LIPA: variants seen among roughly 807,000 people sequenced by gnomAD.
The protein encoded by LIPA is lysosomal acid lipase/cholesteryl ester hydrolase.
LIPA carries 26 observed loss-of-function variants against 40.6 expected under a neutral mutation model. That is an observed-to-expected ratio of 0.64 (90% CI 0.47 to 0.89). The LOEUF is 0.89. Among genes scored for constraint, LIPA ranks in the 40% least tolerant of loss-of-function variants. The pLI, the probability that LIPA is intolerant of heterozygous loss-of-function variation, is 0.00. For missense variants in LIPA, 455 were observed against 479.6 expected (o/e 0.95, Z 0.48); for synonymous variants, 188 against 168.4 (o/e 1.12, Z -0.90).
chr10:89,219,740 C>T (rs567112783), intron 8 of LIPA, among the ~76,000 whole-genome samples: 1 of 152,278 alleles, frequency 6.6e-6, no homozygotes, highest in Admixed American at 6.5e-5. Flanking sequence ...AGTGGCAGCC[C>T]CTGGCCAACA....
In LIPA at chr10:89,328,088, A is replaced by G. The variant is rs1843616277; in HGVS notation, c.-2+14523T>C. The G allele has an allele frequency of 9.9e-6, 16 of 1,613,484 alleles. No individual in the cohort carries two copies. In the East Asian group the frequency reaches 1.3e-4, roughly 13 times the overall value. On this transcript the variant is annotated intron_variant, in intron 1 of 5. Coordinates refer to the LIPA transcript ENST00000282673. ...AGAGGGCAGTCATGAGGTCAGTGAA[A>G]TAAGAATGCATAATCATGCTTGTTT...
intron 2 of LIPA, among the ~76,000 whole-genome samples, chr10:89,411,646 A>G (rs1046363298): frequency 5.9e-5 from 9 of 152,222 alleles, no homozygotes; most frequent in African/African-American, 1.9e-4. Context: ...CTTACTCTAC[A>G]ATCCCAAACA....
intron 1 of LIPA, among the ~76,000 whole-genome samples, chr10:89,319,508 C>A (rs1843559680): frequency 6.6e-6 from 1 of 152,082 alleles, no homozygotes; most frequent in East Asian, 1.9e-4. Flanking sequence ...CAAGACTAAA[C>A]CAGGAAGAAG....
At chr10:89,287,600 C>T (rs563662928) in intron 1 of LIPA, among the ~76,000 whole-genome samples, 1 of 152,158 alleles carries the variant, frequency 6.6e-6, no homozygotes, top group East Asian at 1.9e-4. Flanking sequence ...TATAAGATAC[C>T]TCTACTCCCT....
chr10:89,323,488 T>C (rs1350464945), intron 1 of LIPA, among the ~76,000 whole-genome samples: 1 of 150,170 alleles, frequency 6.7e-6, no homozygotes, highest in Admixed American at 6.7e-5. Context: ...AGAGAGGAAG[T>C]CAAACTATCT....
At chr10:89,345,406 G>A (rs1017901730), upstream of LIPA, among the ~76,000 whole-genome samples, 1 of 151,924 alleles carries the variant, frequency 6.6e-6, no homozygotes, top group African/African-American at 2.4e-5. Context: ...ATGGGTGCCT[G>A]TAATCTCAGC....
intron 1 of LIPA, among the ~76,000 whole-genome samples, chr10:89,294,942 C>A (rs1472068821): frequency 6.6e-6 from 1 of 150,842 alleles, no homozygotes; most frequent in Admixed American, 6.6e-5. Flanking sequence ...TGCGCCACTG[C>A]ACTCCAGCCT....
At chr10:89,322,181 C>T (rs1021883633) in intron 1 of LIPA, among the ~76,000 whole-genome samples, 3 of 152,040 alleles carry the variant, frequency 2.0e-5, no homozygotes, top group Non-Finnish European at 2.9e-5. Flanking sequence ...AACAAACCTG[C>T]GTGTTGTGCA....
chr10:89,338,814 G>A (rs770983119), intron 1 of LIPA: 2 of 1,614,150 alleles, frequency 1.2e-6, no homozygotes, highest in South Asian at 1.1e-5. Context: ...AAGCTACAAT[G>A]TACAACTTGT....
At chr10:89,405,015 T>TATAA (rs1328059983) in intron 2 of LIPA, 1 of 151,962 alleles carries the variant, frequency 6.6e-6, no homozygotes, top group African/African-American at 2.4e-5. Flanking sequence ...ATGTCAACAC[T>TATAA]ATCAATAAAT....
At chr10:89,396,011 T>G (rs1259066294) in intron 2 of LIPA, among the ~76,000 whole-genome samples, 1 of 152,228 alleles carries the variant, frequency 6.6e-6, no homozygotes, top group Non-Finnish European at 1.5e-5. Flanking sequence ...TTCCATTTTT[T>G]GGCCATTATG....
chr10:89,310,067 T>C (rs1416159639), intron 1 of LIPA, among the ~76,000 whole-genome samples: 2 of 152,236 alleles, frequency 1.3e-5, no homozygotes, highest in Non-Finnish European at 2.9e-5. Flanking sequence ...TTTCACATTC[T>C]CTGTATTTGA....
At chr10:89,356,857 T>A (rs1232073561) in intron 2 of LIPA, among the ~76,000 whole-genome samples, 2 of 152,196 alleles carry the variant, frequency 1.3e-5, no homozygotes, top group Admixed American at 1.3e-4. Context: ...GATTGCTGCT[T>A]GAGGGGTTTT....
At chr10:89,216,380 T>C (rs1282251625) in intron 8 of LIPA, among the ~76,000 whole-genome samples, 1 of 150,274 alleles carries the variant, frequency 6.7e-6, no homozygotes. Flanking sequence ...GAAATAAAGG[T>C]AGACAGATAG....
chr10:89,411,535 G>A (rs1363139504), intron 2 of LIPA, among the ~76,000 whole-genome samples: 4 of 152,282 alleles, frequency 2.6e-5, no homozygotes, highest in South Asian at 2.1e-4. Context: ...TTCAACTAAC[G>A]TAAAGTTTGC....
rs577578466 is a variant in LIPA, at chr10:89,380,963, T to C, written c.61+31828A>G. Reference sequence around the variant, plus strand: ...TCTTCTGGAACTTGGCAGGGCAGCCTTGTAAGATTGTGTAAATTGTGCACT... The same window carrying C: ...TCTTCTGGAACTTGGCAGGGCAGCCCTGTAAGATTGTGTAAATTGTGCACT... On this transcript the variant is annotated intron_variant, in intron 2 of 8. Coordinates refer to the LIPA transcript ENST00000371837. Among the ~76,000 whole-genome samples the C allele has an allele frequency of 3.9e-5, 6 of 152,352 alleles. No homozygotes were observed. In the East Asian group the frequency reaches 1.2e-3, roughly 29 times the overall value.
chr10:89,413,756 G>C (rs1841498640), intron 1 of LIPA, among the ~76,000 whole-genome samples: 1 of 125,586 alleles, frequency 8.0e-6, no homozygotes, highest in Admixed American at 9.0e-5. Flanking sequence ...GACAGAGTGA[G>C]ACCCTGTCTC....
chr10:89,371,589 GT>G (rs1267531106), intron 2 of LIPA, among the ~76,000 whole-genome samples: 3 of 152,122 alleles, frequency 2.0e-5, no homozygotes, highest in Non-Finnish European at 4.4e-5. Flanking sequence ...CATCTCCATC[GT>G]TTTACCAACT....
At chr10:89,352,792 A>T (rs1198940300) in intron 2 of LIPA, among the ~76,000 whole-genome samples, 1 of 144,394 alleles carries the variant, frequency 6.9e-6, no homozygotes, top group African/African-American at 2.7e-5. Flanking sequence ...CAAAGATAAA[A>T]AAAAAAAAAA....
Sources: allele counts gnomAD v4.1 joint callset (sites outside exome capture counted in the v4.1 genomes callset), GRCh38; gene constraint gnomAD v4.1.1; transcripts MANE v1.5; gene names NCBI Gene and HGNC (gene_info 2026-07-23, HGNC 2026-07-21).